The following CTSD variants were observed in gnomAD, a reference collection of about 807,000 sequenced individuals.
CTSD encodes the protein ceroid-lipofuscinosis, neuronal 10.
CTSD carries 28 observed loss-of-function variants against 43.6 expected under a neutral mutation model. The ratio of observed to expected loss-of-function variants is 0.64; its 90% CI spans 0.48 to 0.88. The LOEUF (loss-of-function observed/expected upper bound fraction) is 0.88. CTSD is among the 40% of genes least tolerant of loss of function. The probability of loss-of-function intolerance (pLI) is 0.00; values close to 1 mark genes in which losing one functional copy is unlikely to be tolerated. For synonymous variants in CTSD, 270 were observed against 249.8 expected (o/e 1.08, Z -0.76); for missense variants, 485 against 555.2 (o/e 0.87, Z 1.27).
rs797045138 is a variant in CTSD, at chr11:1,753,546, C to T, written c.1196G>A (p.Arg399His). ...FIGRYYTVFD[R>H]DNNRVGFAEA... The stretch of plus-strand genomic sequence containing the variant: ...GGCGAAGCCCACCCTGTTGTTGTCA[C>T]GGTCAAACACAGTGTAGTAGCGGCC... Residue 399 changes from arginine (R) to histidine (H), a missense_variant, in exon 9 of 9, where the codon CGT (arginine) becomes CAT (histidine). Coordinates refer to ENST00000236671, the MANE Select transcript of CTSD (RefSeq NM_001909.5). 3 of 1,613,066 alleles carry T rather than the reference C, an allele frequency of 1.9e-6. No individual in the cohort carries two copies. Among genetic ancestry groups the T allele is most frequent in the Admixed American group, 1.7e-5 (1 of 60,028 alleles).
intron 1 of CTSD, chr11:1,763,404 C>G: frequency 5.0e-6 from 1 of 198,374 alleles, no homozygotes; most frequent in Non-Finnish European, 1.0e-5. Context: ...CTCGGGGGCT[C>G]TGAGGCCTGA....
rs749196696 is a variant in CTSD at position 1,757,518 on chromosome 11, G to A, written c.510C>T (p.Gly170=). The change falls in exon 5 of 9, where the codon GGC becomes GGT. Residue 170 remains glycine, a synonymous_variant. Transcript: ENST00000236671. ...AGACCTGCCTCTCCACTTTGACACC[G>A]CCCAGGGCAGAGGCTGACGACGCTG... ...CQSASSASAL[G]GVKVERQVFG... is the part of the protein sequence containing the mutation. The A allele has an allele frequency of 2.6e-5, 42 of 1,613,210 alleles. 1 individual carries two copies. Among genetic ancestry groups the A allele is most frequent in the South Asian group, 9.9e-5 (9 of 91,042 alleles).
intron 6 of CTSD, among the ~76,000 whole-genome samples, chr11:1,754,601 G>A (rs1443835027): frequency 1.4e-5 from 2 of 141,536 alleles, no homozygotes; most frequent in African/African-American, 5.2e-5. Context: ...ACAGAGGGAT[G>A]AGGGGATGGA....
chr11:1,754,739 AG>A (rs1845788710), intron 6 of CTSD, among the ~76,000 whole-genome samples, 166 bp downstream of exon 6: 1 of 141,754 alleles, frequency 7.1e-6, no homozygotes, highest in Non-Finnish European at 1.5e-5. Flanking sequence ...GGGAGCATGG[AG>A]GGGCAAGGAG....
At chr11:1,763,129 C>G (rs1347256943) in intron 1 of CTSD, 1 of 152,430 alleles carries the variant, frequency 6.6e-6, no homozygotes, top group South Asian at 2.0e-4. Flanking sequence ...CGGGCCCCAT[C>G]CCATCCAGGC....
chr11:1,757,232 G>A (rs1276420753), intron 5 of CTSD, 92 bp downstream of exon 5: 2 of 1,044,568 alleles, frequency 1.9e-6, no homozygotes, highest in South Asian at 1.3e-5. Context: ...GCAGGGAGGG[G>A]GCAGCACTGA....
chr11:1,758,879 C>T (rs904880531), intron 4 of CTSD, 90 bp downstream of exon 4: 87 of 976,332 alleles, frequency 8.9e-5, no homozygotes, highest in South Asian at 2.4e-4. Context: ...CTGGGATCAC[C>T]GAGCCCTCCC....
chr11:1,754,389 G>GGATGGAGGGGATGGAGGGGCATAGAGC, intron 6 of CTSD: 1 of 568,736 alleles, frequency 1.8e-6, no homozygotes, highest in Non-Finnish European at 3.1e-6. Flanking sequence ...GGGCATAGAG[G>GGATGGAGGGGATGGAGGGGCATAGAGC]GATGGAGGGG....
chr11:1,756,975 G>C (rs1297206056), intron 5 of CTSD, among the ~76,000 whole-genome samples: 1 of 152,148 alleles, frequency 6.6e-6, no homozygotes, highest in Non-Finnish European at 1.5e-5. Context: ...CCCATCACCA[G>C]GTCTGGGGAC....
chr11:1,756,575 G>A (rs369888846), intron 5 of CTSD, among the ~76,000 whole-genome samples: 66 of 152,302 alleles, frequency 4.3e-4, no homozygotes, highest in African/African-American at 1.4e-3. Context: ...GCAGGAGGCC[G>A]CCGGCTGACA....
chr11:1,754,550 G>GGGATGGA (rs1845782263), intron 6 of CTSD, among the ~76,000 whole-genome samples: 1 of 108,632 alleles, frequency 9.2e-6, no homozygotes, highest in Admixed American at 9.6e-5. Context: ...GAGGGATGGA[G>GGGATGGA]GGGATGGAGG....
chr11:1,761,613 T>G, intron 1 of CTSD, 145 bp from the exon 2 acceptor site: 3 of 880,536 alleles, frequency 3.4e-6, no homozygotes, highest in Non-Finnish European at 5.5e-6. Context: ...ACCTGGAAAC[T>G]GCTGGCCCAG....
Position 1,757,304 on chromosome 11 carries a change from G to T in CTSD, c.704+20C>A. On this transcript the variant is annotated intron_variant, in intron 5 of 8. Coordinates refer to ENST00000236671, the MANE Select transcript of CTSD (RefSeq NM_001909.5). ...CCTGCCTCCCAGCAACGCGGAGCGA[G>T]AGGGAACCCACACGCCCACCTGCTC... is the stretch of plus-strand genomic sequence containing the variant. The T allele has an allele frequency of 6.2e-7, 1 of 1,603,748 alleles. No individual in the cohort carries two copies. The highest frequency in any genetic ancestry group is 8.5e-7 in the Non-Finnish European group (1 of 1,171,954).
rs760348359 is a variant in CTSD, at chr11:1,753,951, C to A, written c.972+43G>T. 9.3e-6 allele frequency: 15 copies of A among 1,610,012 alleles called. No individual in the cohort carries two copies. In the Admixed American group the frequency reaches 1.8e-4, roughly 20 times the overall value. On this transcript the variant is annotated intron_variant, in intron 7 of 8. Transcript: ENST00000236671. ...GGGTGGTAGTGGTGGCCTTGGGGCTCCCCCTGCCAGCCCCAGCCCCAGCCC... is the reference window on the plus strand; with the variant it reads ...GGGTGGTAGTGGTGGCCTTGGGGCTACCCCTGCCAGCCCCAGCCCCAGCCC...
chr11:1,755,181 G>A (rs1278452620), intron 5 of CTSD, 153 bp from the exon 6 acceptor site: 22 of 893,096 alleles, frequency 2.5e-5, no homozygotes, highest in Non-Finnish European at 3.6e-5. Flanking sequence ...CAGAAGGCAG[G>A]AGGAGGGACA....
chr11:1,753,580 C>G lies in CTSD; in HGVS notation c.1162G>C (p.Val388Leu), dbSNP rs202073338. The change falls in exon 9 of 9, where the codon GTC becomes CTC. Residue 388 changes from valine (V) to leucine (L), a missense_variant. By Grantham distance (32) the Val-to-Leu change is conservative. Transcript: ENST00000236671. ...ACAGTGTAGTAGCGGCCGATGAAGA[C>G]GTCGCCCAGGATCCAGAGTGGCCCG... Reference protein sequence around the residue: ...PSGPLWILGDVFIGRYYTVFD... With the variant: ...PSGPLWILGDLFIGRYYTVFD... The G allele has an allele frequency of 2.5e-6, 4 of 1,613,104 alleles. No individual in the cohort carries two copies. The highest frequency in any genetic ancestry group is 3.4e-6 in the Non-Finnish European group (4 of 1,179,932).
At chr11:1,754,292 A>G (rs1177611442) in intron 6 of CTSD, 154 bp from the exon 7 acceptor site, 1 of 769,850 alleles carries the variant, frequency 1.3e-6, no homozygotes, top group Non-Finnish European at 2.1e-6. Flanking sequence ...TCCAGGGAAG[A>G]GGGTGGGAGA....
chr11:1,753,764 C>T (rs577739609), intron 8 of CTSD, 39 bp downstream of exon 8: 39 of 1,610,664 alleles, frequency 2.4e-5, no homozygotes, highest in South Asian at 1.4e-4. Flanking sequence ...CCTCACCGCC[C>T]GCTCACCTGG....
chr11:1,763,503 T>A, intron 1 of CTSD: 1 of 420,570 alleles, frequency 2.4e-6, no homozygotes, highest in East Asian at 4.3e-5. Context: ...CCGCCCCGTC[T>A]CCAGGGAGGC....
Sources: allele counts gnomAD v4.1 joint callset (sites outside exome capture counted in the v4.1 genomes callset), GRCh38; gene constraint gnomAD v4.1.1; transcripts MANE v1.5; gene names NCBI Gene and HGNC (gene_info 2026-07-23, HGNC 2026-07-21).